Variants in SNX18 observed in about 807,000 individuals in gnomAD.
SNX18 encodes sorting nexin-18.
Under a neutral mutation model 48.7 loss-of-function variants are expected in SNX18, and 35 were observed. The ratio of observed to expected loss-of-function variants is 0.72; its 90% CI spans 0.55 to 0.95. The LOEUF (loss-of-function observed/expected upper bound fraction) is 0.95. SNX18 is among the 40% of genes least tolerant of loss of function. The pLI, the probability that SNX18 is intolerant of heterozygous loss-of-function variation, is 0.00. For synonymous variants in SNX18, 492 were observed against 384.7 expected, an observed-to-expected ratio of 1.28 and a Z score of -3.26; for missense variants, 824 against 871.0, an observed-to-expected ratio of 0.95 and a Z score of 0.68.
the SNX18 span, among the ~76,000 whole-genome samples, chr5:54,641,580 T>C: frequency 3.9e-4 from 60 of 152,258 alleles, no homozygotes; most frequent in African/African-American, 1.4e-3. Context: ...CTCAGGGTTT[T>C]GAGCGTGCAC....
chr5:54,519,404 C>A lies in SNX18; in HGVS notation c.1452C>A (p.Ala484=), dbSNP rs529245244. ...AGGCCTTTGAGCTGGACCAGCAGGC[C>A]TTCTCGGTGGGCCTGAACCAGGCTA... is the stretch of plus-strand genomic sequence containing the variant. The part of the protein sequence containing the change: ...LSQAFELDQQ[A]FSVGLNQAIA... The change falls in exon 1 of 2, where the codon GCC becomes GCA. Residue 484 remains alanine (A), a synonymous_variant. Coordinates refer to ENST00000381410, the MANE Select transcript of SNX18 (RefSeq NM_001102575.2). 2 of 1,613,714 alleles carry A rather than the reference C, an allele frequency of 1.2e-6. No individual in the cohort carries two copies. Among genetic ancestry groups the A allele is most frequent in the Non-Finnish European group, 1.7e-6 (2 of 1,179,934 alleles).
At chr5:54,595,557 C>T in the SNX18 span, among the ~76,000 whole-genome samples, 1 of 152,182 alleles carries the variant, frequency 6.6e-6, no homozygotes, top group African/African-American at 2.4e-5. Context: ...TTTCAGAAAT[C>T]TCCAAACTAC....
At chr5:54,583,221 C>T in the SNX18 span, among the ~76,000 whole-genome samples, 8 of 152,244 alleles carry the variant, frequency 5.3e-5, no homozygotes, top group African/African-American at 1.9e-4. Flanking sequence ...AAGCAACCCT[C>T]CCACCTCAGC....
rs531622601 is a variant in SNX18 at position 54,543,631 on chromosome 5, A to G, written c.*199A>G. 9.4e-5 allele frequency: 55 copies of G among 587,494 alleles called. 1 individual carries two copies. The highest frequency in any genetic ancestry group is 1.6e-4 in the Non-Finnish European group (54 of 339,252). 36.4% of individuals were successfully genotyped at this position (587,494 alleles called of 1,614,324 possible). A position where few individuals can be genotyped will look rare whatever the true frequency, so the allele number is the denominator to read the frequency against. On this transcript the variant is annotated 3_prime_UTR_variant, in exon 2 of 2. Coordinates refer to ENST00000381410, the MANE Select transcript of SNX18 (RefSeq NM_001102575.2). ...TTATATAATAGAAACAGTACCACACATTGTAACTAAATTATACTATGTATG... is the reference window on the plus strand; with the variant it reads ...TTATATAATAGAAACAGTACCACACGTTGTAACTAAATTATACTATGTATG...
chr5:54,556,683 G>A, the SNX18 span, among the ~76,000 whole-genome samples: 15 of 152,084 alleles, frequency 9.9e-5, no homozygotes, highest in Non-Finnish European at 1.9e-4. Flanking sequence ...GAGGGGGTTG[G>A]TATGCAGCTT....
the SNX18 span, among the ~76,000 whole-genome samples, chr5:54,575,805 GA>G: frequency 6.6e-6 from 1 of 152,052 alleles, no homozygotes; most frequent in Non-Finnish European, 1.5e-5. Flanking sequence ...GCTTACTAAA[GA>G]AACCCTTGTC....
At position 54,533,733 on chromosome 5, in the gene SNX18, G is replaced by A. The variant is rs187401037; in HGVS notation, c.1622-9446G>A. On this transcript the variant is annotated intron_variant, in intron 1 of 1. Transcript: ENST00000381410. ...GAGCACAGGTGTGCACAGTGCAGGC[G>A]CTTCTCTGTGATGATCAAGTGGCTG... Among the ~76,000 whole-genome samples, 236 of 152,334 alleles carry A rather than the reference G, an allele frequency of 1.5e-3. 1 individual carries two copies. The highest frequency in any genetic ancestry group is 5.5e-3 in the African/African-American group (228 of 41,570).
At position 54,519,035 on chromosome 5, in the gene SNX18, C is replaced by T; in HGVS notation, c.1083C>T (p.Asn361=). 1 of 1,613,320 alleles carries T rather than the reference C, an allele frequency of 6.2e-7. No individual in the cohort carries two copies. Among genetic ancestry groups the T allele is most frequent in the East Asian group, 2.2e-5 (1 of 44,842 alleles). ...GGAAGGGCCTGATCTGGTGGATGAA[C>T]CACATGGCCAGCCACCCAGTGCTGG... ...KRRKGLIWWM[N]HMASHPVLAQ... The change falls in exon 1 of 2, where the codon AAC becomes AAT. Residue 361 remains asparagine (N), a synonymous_variant. Coordinates refer to ENST00000381410, the MANE Select transcript of SNX18 (RefSeq NM_001102575.2).
At chr5:54,640,238 G>C in the SNX18 span, among the ~76,000 whole-genome samples, 30 of 149,892 alleles carry the variant, frequency 2.0e-4, no homozygotes, top group Admixed American at 2.0e-3. Context: ...TGTAAGACAA[G>C]GTTTCACTCT....
the SNX18 span, among the ~76,000 whole-genome samples, chr5:54,632,171 T>C: frequency 7.0e-3 from 1,062 of 152,168 alleles, 9 homozygotes; most frequent in African/African-American, 0.025. Flanking sequence ...CCATGTGGGG[T>C]CCTGCGTTTC....
At chr5:54,592,107 A>C in the SNX18 span, among the ~76,000 whole-genome samples, 1 of 152,226 alleles carries the variant, frequency 6.6e-6, no homozygotes, top group Admixed American at 6.5e-5. Context: ...AAAATTGTTC[A>C]AAAGGCTTCA....
At chr5:54,622,091 A>C in the SNX18 span, among the ~76,000 whole-genome samples, 3 of 152,244 alleles carry the variant, frequency 2.0e-5, no homozygotes, top group African/African-American at 7.2e-5. Flanking sequence ...GAAAACTAGG[A>C]ATCTGTTTAT....
At chr5:54,621,991 G>T in the SNX18 span, among the ~76,000 whole-genome samples, 1 of 152,164 alleles carries the variant, frequency 6.6e-6, no homozygotes, top group Non-Finnish European at 1.5e-5. Context: ...GTAATAATCC[G>T]GTCTGAATAG....
chr5:54,637,643 G>A, the SNX18 span, among the ~76,000 whole-genome samples: 1 of 152,110 alleles, frequency 6.6e-6, no homozygotes, highest in African/African-American at 2.4e-5. Flanking sequence ...GTGGTGTGAG[G>A]GTCAAAACAG....
chr5:54,586,707 C>G, the SNX18 span, among the ~76,000 whole-genome samples: 1 of 152,220 alleles, frequency 6.6e-6, no homozygotes, highest in Non-Finnish European at 1.5e-5. Context: ...CCTCTTAATA[C>G]TATCACAATG....
the SNX18 span, among the ~76,000 whole-genome samples, chr5:54,593,664 A>T: frequency 6.6e-6 from 1 of 152,236 alleles, no homozygotes; most frequent in South Asian, 2.1e-4. Context: ...ACAGTAATCC[A>T]CAGAGTGTGG....
chr5:54,585,016 G>A, the SNX18 span, among the ~76,000 whole-genome samples: 1 of 152,198 alleles, frequency 6.6e-6, no homozygotes, highest in Non-Finnish European at 1.5e-5. Context: ...CACAGGCCAG[G>A]CATGATGGCT....
Position 54,543,684 on chromosome 5 carries a change from T to A in SNX18, c.*252T>A, listed in dbSNP as rs1387464382. ...TACACTACCATTGTAACTTTTGGAATAATGATTATACTATTTGCCTTATTG... is the reference window on the plus strand; with the variant it reads ...TACACTACCATTGTAACTTTTGGAAAAATGATTATACTATTTGCCTTATTG... On this transcript the variant is annotated 3_prime_UTR_variant, in exon 2 of 2. Transcript: ENST00000381410. 1 of 435,088 alleles carries A rather than the reference T, an allele frequency of 2.3e-6. No homozygotes were observed. The allele number at this position is 435,088 out of a possible 1,614,324, so 27.0% of individuals were successfully genotyped here. A position where few individuals can be genotyped will look rare whatever the true frequency, so the allele number is the denominator to read the frequency against.
chr5:54,611,921 A>C, the SNX18 span, among the ~76,000 whole-genome samples: 1 of 151,016 alleles, frequency 6.6e-6, no homozygotes, highest in East Asian at 2.0e-4. Context: ...TCTGTACTCC[A>C]GGCTGGAGTG....
Sources: gnomAD v4.1 joint callset for allele counts (sites outside exome capture counted in the v4.1 genomes callset) on GRCh38, gnomAD v4.1.1 for gene constraint, MANE v1.5 for transcripts, NCBI Gene and HGNC (gene_info 2026-07-23, HGNC 2026-07-21) for gene names.